PHKA1: variants seen among roughly 807,000 people sequenced by gnomAD.
PHKA1 encodes the protein phosphorylase b kinase regulatory subunit alpha, skeletal muscle isoform.
PHKA1 carries 60 observed loss-of-function variants against 110.2 expected under a neutral mutation model. The observed-to-expected ratio is 0.54, with a 90% CI of 0.44 to 0.68. PHKA1 has a LOEUF of 0.68. Among genes scored for constraint, PHKA1 ranks in the 30% least tolerant of loss-of-function variants. The pLI is 0.00. For synonymous variants in PHKA1, 316 were observed against 333.6 expected (o/e 0.95, Z 0.58); for missense variants, 801 against 942.5 (o/e 0.85, Z 1.97).
intron 31 of PHKA1, among the ~76,000 whole-genome samples, chrX:72,581,861 T>C (rs1284330635): frequency 8.9e-6 from 1 of 112,238 alleles, no homozygotes; most frequent in African/African-American, 3.2e-5. Flanking sequence ...CGGGCAACAT[T>C]TGGGACACTT....
Position 72,666,232 on chromosome X carries a change from T to G in PHKA1, c.783A>C (p.Ser261=), listed in dbSNP as rs1556306319. 1.1e-5 allele frequency: 13 copies of G among 1,208,013 alleles called. No homozygotes were observed. Among genetic ancestry groups the G allele is most frequent in the Non-Finnish European group, 1.5e-5 (13 of 893,378 alleles). Residue 261 remains serine (S), a synonymous_variant, in exon 8 of 32, where the codon TCA becomes TCC. Coordinates refer to ENST00000373542, the MANE Select transcript of PHKA1 (RefSeq NM_002637.4). ...CTGCAAAGGCAGGGAAGGAAACCAC[T>G]GAGAGTAGACTAGCATCAACCTCTT... ...TSKEVDASLL[S]VVSFPAFAVE... is the part of the protein sequence containing the mutation.
chrX:72,651,787 G>T (rs781910877), intron 12 of PHKA1, among the ~76,000 whole-genome samples: 14 of 111,508 alleles, frequency 1.3e-4, no homozygotes, highest in Non-Finnish European at 2.6e-4. Context: ...AAAATCAGTG[G>T]TTATACATAA....
chrX:72,625,760 G>A (rs1259242257), intron 17 of PHKA1, among the ~76,000 whole-genome samples: 1 of 111,485 alleles, frequency 9.0e-6, no homozygotes, highest in Non-Finnish European at 1.9e-5. Flanking sequence ...CCGCCTCCCA[G>A]GTTCAAGAGA....
intron 12 of PHKA1, among the ~76,000 whole-genome samples, chrX:72,650,778 G>A (rs916193873): frequency 8.9e-6 from 1 of 111,978 alleles, no homozygotes; most frequent in Non-Finnish European, 1.9e-5. Flanking sequence ...CTGGAGTGCA[G>A]TGGTGCAATC....
chrX:72,639,720 T>C (rs1254557118), intron 14 of PHKA1, among the ~76,000 whole-genome samples: 4 of 111,643 alleles, frequency 3.6e-5, no homozygotes, highest in Non-Finnish European at 5.7e-5. Context: ...CAATCTTACC[T>C]TTTTTTTGTA....
rs1463217801 is a variant in PHKA1 at position 72,671,440 on chromosome X, C to T, written c.619-3967G>A. ...CACTACTCAATGAAATAAAAGAGGA[C>T]ACAAACAAATGGAAGAACATTCCAT... On this transcript the variant is annotated intron_variant, in intron 6 of 31. Coordinates refer to ENST00000373542, the MANE Select transcript of PHKA1 (RefSeq NM_002637.4). Among the ~76,000 whole-genome samples, 7 of 110,154 alleles carry T rather than the reference C, an allele frequency of 6.4e-5. No individual in the cohort carries two copies. The East Asian group carries it at 8.5e-4, about 13-fold the overall frequency.
intron 10 of PHKA1, among the ~76,000 whole-genome samples, chrX:72,654,797 AT>A (rs141785619): frequency 2.1e-3 from 199 of 93,720 alleles, no homozygotes; most frequent in Middle Eastern, 5.6e-3. Context: ...TAGCATGGTG[AT>A]TTTTTTTTTT....
At chrX:72,628,363 G>A (rs1473823966) in intron 16 of PHKA1, among the ~76,000 whole-genome samples, 1 of 108,496 alleles carries the variant, frequency 9.2e-6, no homozygotes, top group African/African-American at 3.4e-5. Context: ...CGTGTTTTGT[G>A]GATATTACCC....
At chrX:72,629,124 GAAATC>G (rs1387696420) in intron 16 of PHKA1, among the ~76,000 whole-genome samples, 1 of 110,814 alleles carries the variant, frequency 9.0e-6, no homozygotes, top group Non-Finnish European at 1.9e-5. Context: ...TCTTACATAT[GAAATC>G]AAGGTTCAGC....
chrX:72,583,884 T>G (rs1303030152), intron 30 of PHKA1, among the ~76,000 whole-genome samples: 1 of 112,130 alleles, frequency 8.9e-6, no homozygotes, highest in Admixed American at 9.5e-5. Context: ...TAACAACCAC[T>G]GGTTTATGTT....
At chrX:72,711,379 G>A (rs1556334689) in intron 2 of PHKA1, among the ~76,000 whole-genome samples, 1 of 110,942 alleles carries the variant, frequency 9.0e-6, no homozygotes, top group African/African-American at 3.3e-5. Flanking sequence ...GGAGGGGAGT[G>A]GGCAGGATTA....
chrX:72,695,610 T>C (rs958284782), intron 4 of PHKA1, 98 bp downstream of exon 4: 3 of 843,524 alleles, frequency 3.6e-6, no homozygotes, highest in African/African-American at 4.0e-5. Context: ...TTCATGAAGA[T>C]CTACCCCAGC....
intron 30 of PHKA1, 47 bp downstream of exon 30, chrX:72,584,202 C>T: frequency 9.8e-7 from 1 of 1,016,345 alleles, no homozygotes; most frequent in Non-Finnish European, 1.4e-6. Flanking sequence ...GATACTTTAG[C>T]CAGCAAAGTT....
At chrX:72,595,554 T>A (rs2147664408) in intron 28 of PHKA1, among the ~76,000 whole-genome samples, 1 of 112,387 alleles carries the variant, frequency 8.9e-6, no homozygotes, top group South Asian at 3.7e-4. Context: ...AGGAATTCAC[T>A]AACAAGCAAC....
At chrX:72,646,206 G>A (rs2147750621) in intron 13 of PHKA1, among the ~76,000 whole-genome samples, 1 of 111,561 alleles carries the variant, frequency 9.0e-6, no homozygotes, top group East Asian at 2.8e-4. Flanking sequence ...TTCATCTTTG[G>A]GCCATGCTTT....
At position 72,679,024 on chromosome X, in the gene PHKA1, C is replaced by T. The variant is rs575627654; in HGVS notation, c.538-2874G>A. Among the ~76,000 whole-genome samples, 3 of 112,042 alleles carry T rather than the reference C, an allele frequency of 2.7e-5. No individual in the cohort carries two copies. The South Asian group carries it at 1.1e-3, about 42-fold the overall frequency. ...AAACCACAGAAATCTGCAGAGGGTC[C>T]CCCTCAAATATTCAGCAGAATAATG... On this transcript the variant is annotated intron_variant, in intron 5 of 31. Transcript: ENST00000373542.
intron 30 of PHKA1, among the ~76,000 whole-genome samples, 171 bp from the exon 31 acceptor site, chrX:72,582,769 C>T (rs1051295848): frequency 1.8e-5 from 2 of 111,947 alleles, no homozygotes; most frequent in Non-Finnish European, 1.9e-5. Flanking sequence ...AATCTGGCAA[C>T]GCATAACAAG....
chrX:72,590,945 C>G (rs942955142), intron 29 of PHKA1, among the ~76,000 whole-genome samples: 2 of 111,753 alleles, frequency 1.8e-5, no homozygotes, highest in African/African-American at 6.5e-5. Flanking sequence ...TAAATAGGAA[C>G]GCTTTTACAC....
At chrX:72,674,953 G>A (rs1040169905) in intron 6 of PHKA1, among the ~76,000 whole-genome samples, 6 of 109,446 alleles carry the variant, frequency 5.5e-5, no homozygotes, top group Admixed American at 9.8e-5. Flanking sequence ...GGAGGCCAAG[G>A]CAGATGGATC....
Sources: gnomAD v4.1 joint callset for allele counts (sites outside exome capture counted in the v4.1 genomes callset) on GRCh38, gnomAD v4.1.1 for gene constraint, MANE v1.5 for transcripts, NCBI Gene and HGNC (gene_info 2026-07-23, HGNC 2026-07-21) for gene names.